Variants in EDIL3 observed in about 807,000 individuals in gnomAD.
EDIL3 encodes the protein EGF like and discoidin domains 3, also known as EGF-like repeat and discoidin I-like domain-containing protein 3.
EDIL3 carries 37 observed loss-of-function variants against 67.4 expected under a neutral mutation model. The observed-to-expected ratio is 0.55, with a 90% CI of 0.42 to 0.72. EDIL3 has a LOEUF of 0.72. Ranked by LOEUF, EDIL3 falls within the 30% of genes least tolerant of loss-of-function variation. The pLI, the probability that EDIL3 is intolerant of heterozygous loss-of-function variation, is 0.00. For synonymous variants in EDIL3, 195 were observed against 196.3 expected, an observed-to-expected ratio of 0.99 and a Z score of 0.05; for missense variants, 527 against 586.3, an observed-to-expected ratio of 0.90 and a Z score of 1.04.
intron 9 of EDIL3, among the ~76,000 whole-genome samples, chr5:83,992,681 G>C (rs1000615259): frequency 2.0e-5 from 3 of 152,018 alleles, no homozygotes; most frequent in Admixed American, 6.6e-5. Flanking sequence ...TGAGATATCT[G>C]CATATATTTC....
At chr5:84,335,682 A>G (rs1347830417) in intron 1 of EDIL3, among the ~76,000 whole-genome samples, 1 of 152,224 alleles carries the variant, frequency 6.6e-6, no homozygotes, top group Non-Finnish European at 1.5e-5. Flanking sequence ...TAATTTTTAT[A>G]AACAATACAA....
chr5:83,946,662 A>C (rs1744316935), intron 10 of EDIL3, among the ~76,000 whole-genome samples: 1 of 151,884 alleles, frequency 6.6e-6, no homozygotes, highest in African/African-American at 2.4e-5. Context: ...CTTTGTTAGG[A>C]CTACGGTCTA....
At chr5:84,195,516 G>T (rs1743687025) in intron 3 of EDIL3, among the ~76,000 whole-genome samples, 1 of 151,878 alleles carries the variant, frequency 6.6e-6, no homozygotes, top group African/African-American at 2.4e-5. Context: ...TGAAGTAAAG[G>T]GATTTAGGAT....
intron 1 of EDIL3, among the ~76,000 whole-genome samples, chr5:84,327,906 C>A (rs569107057): frequency 4.0e-4 from 61 of 152,046 alleles, no homozygotes; most frequent in Non-Finnish European, 7.8e-4. Flanking sequence ...AGAGAACAGT[C>A]CTAATTCATC....
intron 1 of EDIL3, among the ~76,000 whole-genome samples, chr5:84,358,858 C>A (rs1490638869): frequency 6.6e-6 from 1 of 152,066 alleles, no homozygotes; most frequent in Non-Finnish European, 1.5e-5. Flanking sequence ...GAACCACCCA[C>A]CTCGGCCTTC....
At chr5:84,011,843 T>C (rs1745522273) in intron 9 of EDIL3, among the ~76,000 whole-genome samples, 1 of 152,176 alleles carries the variant, frequency 6.6e-6, no homozygotes, top group Non-Finnish European at 1.5e-5. Context: ...GACTACTCTA[T>C]CTAAAACAGC....
intron 4 of EDIL3, among the ~76,000 whole-genome samples, chr5:84,138,466 G>C (rs190493595): frequency 6.6e-6 from 1 of 152,090 alleles, no homozygotes; most frequent in Non-Finnish European, 1.5e-5. Context: ...CAAAACAATA[G>C]AAATAGTCAT....
chr5:84,200,266 A>G (rs1024507977), intron 3 of EDIL3, among the ~76,000 whole-genome samples: 2 of 152,114 alleles, frequency 1.3e-5, no homozygotes, highest in African/African-American at 4.8e-5. Flanking sequence ...TTAAAGTATA[A>G]TAAAAAAGCA....
chr5:84,349,252 T>C (rs1747304701), intron 1 of EDIL3, among the ~76,000 whole-genome samples: 3 of 152,220 alleles, frequency 2.0e-5, no homozygotes, highest in Admixed American at 2.0e-4. Flanking sequence ...AGAAACTTCA[T>C]GGTCTAGAGG....
At chr5:84,083,550 G>A (rs1178411342) in intron 6 of EDIL3, among the ~76,000 whole-genome samples, 1 of 151,952 alleles carries the variant, frequency 6.6e-6, no homozygotes, top group Non-Finnish European at 1.5e-5. Context: ...CTGAAAACCA[G>A]GCTTGTAACC....
chr5:84,285,570 TATAAA>T (rs1745793053), intron 1 of EDIL3, among the ~76,000 whole-genome samples: 1 of 152,226 alleles, frequency 6.6e-6, no homozygotes, highest in Admixed American at 6.5e-5. Context: ...TGTAGGATAT[TATAAA>T]ATTAATGTTG....
At chr5:84,215,405 C>T (rs1744208585) in intron 3 of EDIL3, among the ~76,000 whole-genome samples, 1 of 151,768 alleles carries the variant, frequency 6.6e-6, no homozygotes. Flanking sequence ...AGGCGCCCGC[C>T]ACCACACCTG....
intron 9 of EDIL3, among the ~76,000 whole-genome samples, chr5:84,020,075 A>T (rs1745684379): frequency 1.3e-5 from 1 of 76,932 alleles, no homozygotes; most frequent in East Asian, 4.6e-4. Context: ...TATCTTTTGT[A>T]CAAAAAAAAA....
At chr5:83,958,711 T>C (rs991663688) in intron 10 of EDIL3, among the ~76,000 whole-genome samples, 2 of 151,502 alleles carry the variant, frequency 1.3e-5, no homozygotes, top group Non-Finnish European at 3.0e-5. Context: ...TGAAATTTAT[T>C]ATTGCTTTAC....
chr5:84,359,713 C>A (rs1747559714), intron 1 of EDIL3, among the ~76,000 whole-genome samples: 1 of 152,134 alleles, frequency 6.6e-6, no homozygotes, highest in Non-Finnish European at 1.5e-5. Context: ...CGGGGTTATT[C>A]AGCCATTAAA....
chr5:84,182,081 T>C (rs2112358988), intron 3 of EDIL3, among the ~76,000 whole-genome samples: 1 of 152,016 alleles, frequency 6.6e-6, no homozygotes, highest in Middle Eastern at 3.4e-3. Flanking sequence ...GCAAGGGTAT[T>C]GAACAGAGAG....
At chr5:84,184,908 T>C (rs1417693419) in intron 3 of EDIL3, among the ~76,000 whole-genome samples, 1 of 152,216 alleles carries the variant, frequency 6.6e-6, no homozygotes, top group African/African-American at 2.4e-5. Flanking sequence ...TCAGAGGTTA[T>C]GGCTGCTGTT....
intron 2 of EDIL3, among the ~76,000 whole-genome samples, chr5:84,237,410 G>A (rs1421835373): frequency 6.6e-6 from 1 of 151,950 alleles, no homozygotes; most frequent in Non-Finnish European, 1.5e-5. Context: ...AAAATCCATT[G>A]GTACAATGGG....
At chr5:84,228,693 C>G (rs981968010) in intron 3 of EDIL3, among the ~76,000 whole-genome samples, 1 of 152,094 alleles carries the variant, frequency 6.6e-6, no homozygotes, top group African/African-American at 2.4e-5. Flanking sequence ...TGGAATTTAT[C>G]AAAGAAATGT....
Sources: allele counts gnomAD v4.1 joint callset (sites outside exome capture counted in the v4.1 genomes callset), GRCh38; gene constraint gnomAD v4.1.1; transcripts MANE v1.5; gene names NCBI Gene and HGNC (gene_info 2026-07-23, HGNC 2026-07-21).